The following DENND1A variants were observed in gnomAD, a reference collection of about 807,000 sequenced individuals.
DENND1A encodes the protein DENN domain-containing protein 1A.
In DENND1A, 51 loss-of-function variants were observed where a neutral mutation model predicts 113.7. The observed-to-expected ratio is 0.45, with a 90% CI of 0.36 to 0.57. DENND1A has a LOEUF of 0.57. Among genes scored for constraint, DENND1A ranks in the 20% least tolerant of loss-of-function variants. The pLI is 0.00. For synonymous variants in DENND1A, 565 were observed against 570.8 expected (o/e 0.99, Z 0.14); for missense variants, 1,258 against 1,395.9 (o/e 0.90, Z 1.57).
At chr9:123,845,203 G>A (rs541626383) in intron 2 of DENND1A, among the ~76,000 whole-genome samples, 3 of 151,496 alleles carry the variant, frequency 2.0e-5, no homozygotes, top group Non-Finnish European at 4.4e-5. Context: ...CTGGGCAAGA[G>A]AGCAAGGCTG....
intron 13 of DENND1A, among the ~76,000 whole-genome samples, chr9:123,491,372 C>T (rs2051356464): frequency 6.6e-6 from 1 of 152,346 alleles, no homozygotes; most frequent in Non-Finnish European, 1.5e-5. Flanking sequence ...AGAATGTACA[C>T]ACCCAGAGAC....
intron 4 of DENND1A, among the ~76,000 whole-genome samples, chr9:123,766,835 A>G (rs1564228291): frequency 6.6e-6 from 1 of 152,234 alleles, no homozygotes; most frequent in Non-Finnish European, 1.5e-5. Flanking sequence ...AAAAATCTTA[A>G]AACAACACAC....
rs749921070 is a variant in DENND1A at position 123,381,431 on chromosome 9, C to A, written c.*1G>T. The A allele has an allele frequency of 1.9e-6, 3 of 1,612,890 alleles. No individual in the cohort carries two copies. Among genetic ancestry groups the A allele is most frequent in the South Asian group, 2.2e-5 (2 of 91,056 alleles). On this transcript the variant is annotated 3_prime_UTR_variant, in exon 24 of 24. Coordinates refer to ENST00000394215, the MANE Select transcript of DENND1A (RefSeq NM_001352964.2). The surrounding 1 kb of genome is among the most constrained non-coding windows in gnomAD (Gnocchi z 4.7). The stretch of plus-strand genomic sequence containing the variant: ...TGCATCCCCCACCCTCAGGGCCCGG[C>A]TCACTCGAAGGTCTCCCACTGCTTC...
intron 13 of DENND1A, among the ~76,000 whole-genome samples, chr9:123,458,985 A>AC (rs1283044725): frequency 5.3e-5 from 8 of 152,048 alleles, no homozygotes; most frequent in Non-Finnish European, 8.8e-5. Context: ...AAACAAACAA[A>AC]AAAACAAAAC....
At chr9:123,767,150 C>T (rs1828951250) in intron 4 of DENND1A, among the ~76,000 whole-genome samples, 1 of 152,142 alleles carries the variant, frequency 6.6e-6, no homozygotes, top group Non-Finnish European at 1.5e-5. Context: ...AAAATTAAGA[C>T]ATTGAAACCT....
In DENND1A at chr9:123,743,015, G is replaced by A. The variant is rs75885009; in HGVS notation, c.302+14688C>T. ...TCAATGGTGCAGTGTATAACTAATG[G>A]TATTTTTAAGTCTTGGCAGACAACA... On this transcript the variant is annotated intron_variant, in intron 5 of 23. Coordinates refer to ENST00000394215, the MANE Select transcript of DENND1A (RefSeq NM_001352964.2). 1.7e-3 allele frequency among the ~76,000 whole-genome samples: 259 copies of A among 152,280 alleles called. 3 individuals are homozygous for A. The highest frequency in any genetic ancestry group is 3.1e-3 in the Admixed American group (48 of 15,302).
chr9:123,604,177 C>G (rs2060049116), intron 11 of DENND1A, among the ~76,000 whole-genome samples: 1 of 152,196 alleles, frequency 6.6e-6, no homozygotes, highest in Admixed American at 6.5e-5. Context: ...GGCTGAACTA[C>G]TCATATCTCC....
chr9:123,527,849 C>T (rs2054973194), intron 13 of DENND1A, among the ~76,000 whole-genome samples: 1 of 152,168 alleles, frequency 6.6e-6, no homozygotes, highest in Non-Finnish European at 1.5e-5. Flanking sequence ...TTTGAATCAG[C>T]TTCTAACCTT....
At chr9:123,728,315 T>C (rs1192627979) in intron 5 of DENND1A, among the ~76,000 whole-genome samples, 1 of 148,824 alleles carries the variant, frequency 6.7e-6, no homozygotes, top group East Asian at 2.0e-4. Flanking sequence ...CTGTCTCTAC[T>C]AAAAATACAA....
At chr9:123,432,215 C>A (rs1404158788) in intron 19 of DENND1A, among the ~76,000 whole-genome samples, 1 of 152,314 alleles carries the variant, frequency 6.6e-6, no homozygotes, top group South Asian at 2.1e-4. Context: ...TTTTGATTGG[C>A]AAGTTTTTCC....
In DENND1A at chr9:123,614,735, T is replaced by C. The variant is rs186098652; in HGVS notation, c.720-5254A>G. On this transcript the variant is annotated intron_variant, in intron 10 of 23. Coordinates refer to ENST00000394215, the MANE Select transcript of DENND1A (RefSeq NM_001352964.2). ...AGGGCAGCCCAGGGATTTGGAAAGA[T>C]CACTGTTTACACATAGGTATCCACG... 1.4e-4 allele frequency among the ~76,000 whole-genome samples: 21 copies of C among 152,288 alleles called. No individual in the cohort carries two copies. The East Asian group carries it at 3.1e-3, about 22-fold the overall frequency.
At chr9:123,384,746 G>C (rs565375877) in intron 22 of DENND1A, among the ~76,000 whole-genome samples, 3 of 152,138 alleles carry the variant, frequency 2.0e-5, no homozygotes, top group Admixed American at 2.0e-4. Flanking sequence ...TCAGGAGTTC[G>C]AGACCAGCCT....
intron 21 of DENND1A, among the ~76,000 whole-genome samples, chr9:123,393,854 G>C (rs1026788922): frequency 6.6e-5 from 10 of 152,230 alleles, no homozygotes; most frequent in Non-Finnish European, 1.2e-4. Context: ...TTTAGGGGAG[G>C]TGGGAGAGAT....
intron 5 of DENND1A, among the ~76,000 whole-genome samples, chr9:123,687,544 T>C (rs1185474625): frequency 2.6e-5 from 4 of 152,180 alleles, no homozygotes; most frequent in Non-Finnish European, 4.4e-5. Flanking sequence ...AGGCCAGAGA[T>C]TGTTCCAGAC....
chr9:123,578,915 TGA>T (rs1347426772), intron 12 of DENND1A, among the ~76,000 whole-genome samples: 4 of 151,926 alleles, frequency 2.6e-5, no homozygotes, highest in African/African-American at 9.7e-5. Context: ...GAAGAATGAG[TGA>T]GAGATTAATA....
chr9:123,784,593 AC>A (rs1410721082), intron 3 of DENND1A, among the ~76,000 whole-genome samples: 2 of 152,194 alleles, frequency 1.3e-5, no homozygotes, highest in African/African-American at 2.4e-5. Context: ...CTTACTAGAA[AC>A]AAGACCATCC....
chr9:123,480,248 G>C (rs2050226289), intron 13 of DENND1A, among the ~76,000 whole-genome samples: 1 of 151,978 alleles, frequency 6.6e-6, no homozygotes, highest in African/African-American at 2.4e-5. Context: ...CCTGTGTCTC[G>C]ACACTCCCGA....
At chr9:123,864,605 C>T (rs898098835) in intron 2 of DENND1A, among the ~76,000 whole-genome samples, 3 of 152,126 alleles carry the variant, frequency 2.0e-5, no homozygotes, top group Non-Finnish European at 4.4e-5. Context: ...GTCCTAAGCA[C>T]GTCTGCTCAT....
intron 2 of DENND1A, among the ~76,000 whole-genome samples, chr9:123,852,046 A>G (rs562393241): frequency 1.3e-5 from 2 of 152,242 alleles, no homozygotes; most frequent in African/African-American, 4.8e-5. Flanking sequence ...ATTGAGTGCT[A>G]TGTGCTCCAA....
Sources: gnomAD v4.1 joint callset for allele counts (sites outside exome capture counted in the v4.1 genomes callset) on GRCh38, gnomAD v4.1.1 for gene constraint, Gnocchi (gnomAD v3.1) non-coding constraint, MANE v1.5 for transcripts, NCBI Gene and HGNC (gene_info 2026-07-23, HGNC 2026-07-21) for gene names.